Variants in MCCC1 observed in about 807,000 individuals in gnomAD.
MCCC1 encodes methylcrotonyl-CoA carboxylase subunit 1.
Under a neutral mutation model 83.8 loss-of-function variants are expected in MCCC1, and 64 were observed. The ratio of observed to expected loss-of-function variants is 0.76; its 90% CI spans 0.62 to 0.94. The LOEUF (loss-of-function observed/expected upper bound fraction) is 0.94. Ranked by LOEUF, MCCC1 falls within the 40% of genes least tolerant of loss-of-function variation. The pLI, the probability that MCCC1 is intolerant of heterozygous loss-of-function variation, is 0.00. For missense variants in MCCC1, 807 were observed against 904.7 expected, an observed-to-expected ratio of 0.89 and a Z score of 1.39; for synonymous variants, 322 against 315.4, an observed-to-expected ratio of 1.02 and a Z score of -0.22.
At chr3:183,065,148 A>G (rs145042539) in intron 7 of MCCC1, among the ~76,000 whole-genome samples, 2 of 152,308 alleles carry the variant, frequency 1.3e-5, no homozygotes, top group East Asian at 3.9e-4. Context: ...TTAGAACACC[A>G]TAAGCCCACT....
chr3:183,064,730 G>A lies in MCCC1; in HGVS notation c.761+6269C>T, dbSNP rs1362898348. Among the ~76,000 whole-genome samples, 1 of 152,228 alleles carries A rather than the reference G, an allele frequency of 6.6e-6. No homozygotes were observed. The highest frequency in any genetic ancestry group is 2.4e-5 in the African/African-American group (1 of 41,458). Reference sequence around the variant, plus strand: ...CACGGCAGGCTGTTCGCGGGCAGCCGGCTCCGTGGACAGCAGGGCGAAGCG... The same window carrying A: ...CACGGCAGGCTGTTCGCGGGCAGCCAGCTCCGTGGACAGCAGGGCGAAGCG... On this transcript the variant is annotated intron_variant, in intron 7 of 18. Transcript: ENST00000265594. The surrounding 1 kb of genome is among the most constrained non-coding windows in gnomAD (Gnocchi z 4.5).
At chr3:183,034,741 T>C (rs1713415760) in intron 13 of MCCC1, among the ~76,000 whole-genome samples, 1 of 151,858 alleles carries the variant, frequency 6.6e-6, no homozygotes, top group African/African-American at 2.4e-5. Context: ...TTTTACTCTT[T>C]TATGTTTTTA....
Position 183,110,716 on chromosome 3 carries a change from G to A in MCCC1, c.-102+4758C>T, listed in dbSNP as rs561191816. ...GCCTAGTCACAAATTTTTTGCCAAGGCTGATGTTCAGAATGGTATTTTCTA... is the reference window on the plus strand; with the variant it reads ...GCCTAGTCACAAATTTTTTGCCAAGACTGATGTTCAGAATGGTATTTTCTA... On this transcript the variant is annotated intron_variant, in intron 1 of 17. Transcript: ENST00000492597. Among the ~76,000 whole-genome samples, 37 of 152,188 alleles carry A rather than the reference G, an allele frequency of 2.4e-4. No homozygotes were observed. The Middle Eastern group carries it at 0.01, about 42-fold the overall frequency.
rs982388565 is a variant in MCCC1, at chr3:183,015,706, TTTG to T, written c.2050-143_2050-141del. 2.2e-4 allele frequency: 217 copies of T among 1,003,750 alleles called. No individual in the cohort carries two copies. The East Asian group carries it at 3.7e-3, about 17-fold the overall frequency. 62.2% of individuals were successfully genotyped at this position (1,003,750 alleles called of 1,614,324 possible). A position where few individuals can be genotyped will look rare whatever the true frequency, so the allele number is the denominator to read the frequency against. On this transcript the variant is annotated intron_variant, in intron 18 of 18. Transcript: ENST00000265594. ...GTCATCTCTCGGTGCTTTCCAACGC[TTTG>T]TTGTTGTTGTTGTTTTTATTTTTAA...
At chr3:183,068,138 G>A (rs2108521298) in intron 7 of MCCC1, among the ~76,000 whole-genome samples, 1 of 152,294 alleles carries the variant, frequency 6.6e-6, no homozygotes, top group East Asian at 1.9e-4. Flanking sequence ...AAATGTCAGA[G>A]GCATTTGAAC....
Position 183,105,506 on chromosome 3 carries a change from A to G in MCCC1, c.-102+9968T>C, listed in dbSNP as rs369207147. Reference sequence around the variant, plus strand: ...CATCATTTATGTAAAAATAGGAGAAAGAAAATTCCCATATGCTTATATATG... The same window carrying G: ...CATCATTTATGTAAAAATAGGAGAAGGAAAATTCCCATATGCTTATATATG... On this transcript the variant is annotated intron_variant, in intron 1 of 17. Transcript: ENST00000492597. Among the ~76,000 whole-genome samples, 10 of 152,340 alleles carry G rather than the reference A, an allele frequency of 6.6e-5. No individual in the cohort carries two copies. In the East Asian group the frequency reaches 9.6e-4, roughly 15 times the overall value.
chr3:183,098,950 C>T (rs1718939081), intron 1 of MCCC1: 2 of 296,134 alleles, frequency 6.8e-6, no homozygotes, highest in East Asian at 7.8e-5. Context: ...AGCTGTGTTT[C>T]GTTGAGGAAG....
chr3:183,026,194 C>T (rs1393993913), intron 14 of MCCC1, among the ~76,000 whole-genome samples: 1 of 152,080 alleles, frequency 6.6e-6, no homozygotes, highest in South Asian at 2.1e-4. Flanking sequence ...AGGCGTGCCA[C>T]CACGCCCGGC....
At chr3:183,038,704 G>C in intron 12 of MCCC1, among the ~76,000 whole-genome samples, 1 of 152,114 alleles carries the variant, frequency 6.6e-6, no homozygotes, top group East Asian at 1.9e-4. Context: ...TTCTACTGTG[G>C]ACAGCTCTTA....
chr3:183,038,100 G>C (rs1713774970), intron 12 of MCCC1, among the ~76,000 whole-genome samples: 1 of 152,126 alleles, frequency 6.6e-6, no homozygotes, highest in Non-Finnish European at 1.5e-5. Flanking sequence ...CAGGCACTGG[G>C]GACATAGTGA....
chr3:183,025,395 T>C (rs891755168), intron 15 of MCCC1, among the ~76,000 whole-genome samples: 1 of 152,224 alleles, frequency 6.6e-6, no homozygotes, highest in Non-Finnish European at 1.5e-5. Flanking sequence ...CAAACCAAAG[T>C]GCTCTGGTGG....
chr3:183,109,980 G>T (rs1206610248), intron 1 of MCCC1, among the ~76,000 whole-genome samples: 3 of 152,056 alleles, frequency 2.0e-5, no homozygotes, highest in Non-Finnish European at 4.4e-5. Flanking sequence ...TTGTGATTTT[G>T]ATTTGTATTT....
At chr3:183,081,308 G>A (rs1717477479) in intron 4 of MCCC1, among the ~76,000 whole-genome samples, 1 of 152,098 alleles carries the variant, frequency 6.6e-6, no homozygotes, top group African/African-American at 2.4e-5. Flanking sequence ...AACCTGTTGA[G>A]ATTGTTCATT....
chr3:183,025,924 C>T (rs771246218), intron 14 of MCCC1, 120 bp from the exon 15 acceptor site: 22 of 799,798 alleles, frequency 2.8e-5, no homozygotes, highest in Non-Finnish European at 4.1e-5. Flanking sequence ...GGAAAATCAA[C>T]AACTTTGAAC....
intron 7 of MCCC1, 22 bp from the exon 8 acceptor site, chr3:183,057,444 T>C (rs766042231): frequency 3.9e-6 from 6 of 1,540,610 alleles, no homozygotes; most frequent in African/African-American, 2.7e-5. Flanking sequence ...CAAACATGTA[T>C]GTTAATATAT....
At position 183,015,281 on chromosome 3, in the gene MCCC1, C is replaced by T; in HGVS notation, c.*157G>A. ...GAAATATTTTGAGATAATTAGTGACCCAAATGCATGATTCTCCAATATGAA... is the reference window on the plus strand; with the variant it reads ...GAAATATTTTGAGATAATTAGTGACTCAAATGCATGATTCTCCAATATGAA... On this transcript the variant is annotated 3_prime_UTR_variant, in exon 19 of 19. Transcript: ENST00000265594. 1 of 776,084 alleles carries T rather than the reference C, an allele frequency of 1.3e-6. No individual in the cohort carries two copies. The highest frequency in any genetic ancestry group is 1.4e-5 in the South Asian group (1 of 69,220). 48.1% of individuals were successfully genotyped at this position (776,084 alleles called of 1,614,324 possible).
rs149957640 is a variant in MCCC1 at position 183,037,251 on chromosome 3, C to T, written c.1561G>A (p.Ala521Thr). Residue 521 changes from alanine (A) to threonine (T), a missense_variant, in exon 13 of 19, where the codon GCC (alanine) becomes ACC (threonine). By Grantham distance (58) the Ala-to-Thr change is moderately conservative (BLOSUM62 0). Transcript: ENST00000265594. Reference sequence around the variant, plus strand: ...TGAAGAGTGAAAGTGTCGGTCATGGCTTTCTCCTTGAGGATGAGACCCAGG... The same window carrying T: ...TGAAGAGTGAAAGTGTCGGTCATGGTTTTCTCCTTGAGGATGAGACCCAGG... ...AALGLILKEKAMTDTFTLQAH... is the reference protein window; with the variant it reads ...AALGLILKEKTMTDTFTLQAH... The T allele has an allele frequency of 1.7e-4, 271 of 1,613,994 alleles. No individual in the cohort carries two copies. Among genetic ancestry groups the T allele is most frequent in the Admixed American group, 3.3e-4 (20 of 60,026 alleles).
chr3:183,045,295 G>T (rs1297562896), intron 10 of MCCC1, 118 bp downstream of exon 10: 5 of 1,196,638 alleles, frequency 4.2e-6, no homozygotes. Flanking sequence ...GGCCAGGCTG[G>T]TCTCGAACTC....
In MCCC1 at chr3:183,078,745, T is replaced by C. The variant is rs562091857; in HGVS notation, c.370-6258A>G. ...TGGTGTACTAGATAAATGCTCTTCT[T>C]TCATAACTGTATTAGTCTGTTTTCA... is the stretch of plus-strand genomic sequence containing the variant. On this transcript the variant is annotated intron_variant, in intron 4 of 18. Transcript: ENST00000265594. Among the ~76,000 whole-genome samples, 36 of 152,360 alleles carry C rather than the reference T, an allele frequency of 2.4e-4. No individual in the cohort carries two copies. In the South Asian group the frequency reaches 6.4e-3, roughly 27 times the overall value.
Sources: gnomAD v4.1 joint callset for allele counts (sites outside exome capture counted in the v4.1 genomes callset) on GRCh38, gnomAD v4.1.1 for gene constraint, Gnocchi (gnomAD v3.1) non-coding constraint, MANE v1.5 for transcripts, NCBI Gene and HGNC (gene_info 2026-07-23, HGNC 2026-07-21) for gene names.